PANK3: variants seen among roughly 807,000 people sequenced by gnomAD.
The protein encoded by PANK3 is pantothenate kinase 3, also known as hPanK3.
A neutral mutation model predicts 39.4 loss-of-function variants in PANK3; 20 were observed. The ratio of observed to expected loss-of-function variants is 0.51; its 90% CI spans 0.36 to 0.74. The LOEUF (loss-of-function observed/expected upper bound fraction) is 0.74. Among genes scored for constraint, PANK3 ranks in the 30% least tolerant of loss-of-function variants. The pLI, the probability that PANK3 is intolerant of heterozygous loss-of-function variation, is 0.00. For synonymous variants in PANK3, 140 were observed against 157.3 expected (o/e 0.89, Z 0.82); for missense variants, 265 against 437.0 (o/e 0.61, Z 3.51).
intron 1 of PANK3, among the ~76,000 whole-genome samples, chr5:168,577,377 C>A (rs934254311): frequency 4.6e-5 from 7 of 152,178 alleles, no homozygotes; most frequent in African/African-American, 1.7e-4. Flanking sequence ...TCACAACATA[C>A]CACAATGTTG....
At chr5:168,568,162 A>G (rs1319386028) in intron 2 of PANK3, among the ~76,000 whole-genome samples, 1 of 152,166 alleles carries the variant, frequency 6.6e-6, no homozygotes, top group South Asian at 2.1e-4. Context: ...GATTAACAGC[A>G]TAAAAACAGA....
rs1331051202 is a variant in PANK3 at position 168,557,373 on chromosome 5, T to C, written c.*198A>G. On this transcript the variant is annotated 3_prime_UTR_variant, in exon 7 of 7. Coordinates refer to ENST00000239231, the MANE Select transcript of PANK3 (RefSeq NM_024594.4). ...TGTATTGCATTTAAGGATTTAACAC[T>C]GGCTATATACAAAAGGGAAAGCATT... 1 of 567,992 alleles carries C rather than the reference T, an allele frequency of 1.8e-6. No homozygotes were observed. The highest frequency in any genetic ancestry group is 1.9e-5 in the African/African-American group (1 of 53,232). The allele number at this position is 567,992 out of a possible 1,614,324, so 35.2% of individuals were successfully genotyped here.
At chr5:168,557,734 A>G in intron 6 of PANK3, 113 bp from the exon 7 acceptor site, 1 of 850,882 alleles carries the variant, frequency 1.2e-6, no homozygotes, top group Non-Finnish European at 1.8e-6. Context: ...AATATTTGGA[A>G]ACCTACCAAT....
At chr5:168,574,849 G>A (rs970338346) in intron 1 of PANK3, among the ~76,000 whole-genome samples, 5 of 151,892 alleles carry the variant, frequency 3.3e-5, no homozygotes, top group African/African-American at 4.8e-5. Context: ...CGACAAAAGC[G>A]AGACTCCATC....
chr5:168,562,587 C>T (rs1759464249), intron 4 of PANK3, among the ~76,000 whole-genome samples: 2 of 152,152 alleles, frequency 1.3e-5, no homozygotes, highest in Non-Finnish European at 2.9e-5. Context: ...GGAGACAAGA[C>T]TGATAAACAA....
At chr5:168,564,526 T>C (rs1334224082) in intron 3 of PANK3, among the ~76,000 whole-genome samples, 1 of 152,168 alleles carries the variant, frequency 6.6e-6, no homozygotes, top group Non-Finnish European at 1.5e-5. Flanking sequence ...CTTGAACTCC[T>C]GGGCTCAAGC....
At chr5:168,564,154 G>C (rs1042237771) in intron 3 of PANK3, 89 bp from the exon 4 acceptor site, 3 of 1,119,914 alleles carry the variant, frequency 2.7e-6, no homozygotes, top group Non-Finnish European at 3.6e-6. Flanking sequence ...TGTATTCAAT[G>C]AACACACAGA....
At position 168,579,353 on chromosome 5, in the gene PANK3, G is replaced by T; in HGVS notation, c.-70C>A. 1 of 1,335,094 alleles carries T rather than the reference G, an allele frequency of 7.5e-7. No homozygotes were observed. Among genetic ancestry groups the T allele is most frequent in the Non-Finnish European group, 9.8e-7 (1 of 1,021,552 alleles). The allele number at this position is 1,335,094 out of a possible 1,614,324, so 82.7% of individuals were successfully genotyped here. A position where few individuals can be genotyped will look rare whatever the true frequency, so the allele number is the denominator to read the frequency against. ...TGAGAGCAGAGGCGGCGACTCCGGA[G>T]GTGGCTGGGCCGCGCGGCGAGGCCC... On this transcript the variant is annotated 5_prime_UTR_variant, in exon 1 of 7. Transcript: ENST00000239231.
chr5:168,565,964 T>C (rs1759526709), intron 3 of PANK3, 49 bp downstream of exon 3: 2 of 1,541,432 alleles, frequency 1.3e-6, no homozygotes, highest in East Asian at 4.6e-5. Flanking sequence ...TCATAACTTC[T>C]GTGTATAAAA....
At chr5:168,564,816 T>C (rs1759500035) in intron 3 of PANK3, among the ~76,000 whole-genome samples, 2 of 152,218 alleles carry the variant, frequency 1.3e-5, no homozygotes, top group Admixed American at 1.3e-4. Context: ...ATCAATTCAA[T>C]ATGATACACT....
At chr5:168,566,376 A>C in intron 2 of PANK3, 110 bp from the exon 3 acceptor site, 3 of 1,195,242 alleles carry the variant, frequency 2.5e-6, no homozygotes, top group Non-Finnish European at 3.4e-6. Flanking sequence ...TGACCCCCAC[A>C]TTTTCATTTT....
chr5:168,559,656 C>T (rs988406378), intron 5 of PANK3, among the ~76,000 whole-genome samples: 1 of 151,902 alleles, frequency 6.6e-6, no homozygotes, highest in South Asian at 2.1e-4. Context: ...CAATAAATAG[C>T]CCCCTTACAA....
intron 2 of PANK3, 45 bp downstream of exon 2, chr5:168,568,601 T>C: frequency 7.3e-7 from 1 of 1,376,598 alleles, no homozygotes; most frequent in Non-Finnish European, 1.0e-6. Flanking sequence ...ACTCTCATAT[T>C]TAAAAACAGG....
Position 168,556,080 on chromosome 5 carries a change from G to A in PANK3, c.*1491C>T, listed in dbSNP as rs1165506905. The A allele has an allele frequency of 2.0e-5, 3 of 152,336 alleles. No homozygotes were observed. Among genetic ancestry groups the A allele is most frequent in the East Asian group, 3.9e-4 (2 of 5,182 alleles). The allele number at this position is 152,336 out of a possible 1,614,324, so 9.4% of individuals were successfully genotyped here. On this transcript the variant is annotated 3_prime_UTR_variant, in exon 7 of 7. Transcript: ENST00000239231. ...CAGACTCATCTACCTTTCCAAGTTA[G>A]ACAGTTGGGGAAAGAACTTCCTAAA...
At chr5:168,574,635 G>A (rs1759702753) in intron 1 of PANK3, among the ~76,000 whole-genome samples, 1 of 152,152 alleles carries the variant, frequency 6.6e-6, no homozygotes, top group Non-Finnish European at 1.5e-5. Flanking sequence ...GCCGAGGTGG[G>A]TGGATCACCT....
At chr5:168,579,165 C>T in intron 1 of PANK3, 91 bp downstream of exon 1, 2 of 1,212,368 alleles carry the variant, frequency 1.6e-6, no homozygotes, top group Non-Finnish European at 2.2e-6. Context: ...CGAGGAGCGA[C>T]GGGCTTGGAA....
Position 168,563,928 on chromosome 5 carries a change from T to C in PANK3, c.773A>G (p.Tyr258Cys). 1.9e-6 allele frequency: 3 copies of C among 1,612,224 alleles called. No homozygotes were observed. Among genetic ancestry groups the C allele is most frequent in the Non-Finnish European group, 2.5e-6 (3 of 1,179,178 alleles). Residue 258 changes from tyrosine (Y) to cysteine (C), a missense_variant, in exon 4 of 7, where the codon TAT becomes TGT. This residue lies in a region of PANK3 where 110 missense variants were observed against 161.2 expected (regional missense o/e 0.68). Coordinates refer to ENST00000239231, the MANE Select transcript of PANK3 (RefSeq NM_024594.4). ...CCAACCTGGCAAACCAAATCTTTCA[T>C]AATCTCCTCCATAAATATCACGGAC... ...KLVRDIYGGD[Y>C]ERFGLPGWAV... is the part of the protein sequence containing the mutation.
chr5:168,567,219 A>G (rs1449700953), intron 2 of PANK3, among the ~76,000 whole-genome samples: 1 of 152,220 alleles, frequency 6.6e-6, no homozygotes, highest in Non-Finnish European at 1.5e-5. Flanking sequence ...AGAACATACC[A>G]TATCAATCTG....
chr5:168,576,788 GC>G (rs1561844118), intron 1 of PANK3, among the ~76,000 whole-genome samples: 2 of 63,190 alleles, frequency 3.2e-5, no homozygotes, highest in Non-Finnish European at 6.1e-5. Context: ...TTTTAATTAT[GC>G]CAAAAAAAAC....
Sources: allele counts gnomAD v4.1 joint callset (sites outside exome capture counted in the v4.1 genomes callset), GRCh38; gene constraint gnomAD v4.1.1; regional missense constraint gnomAD v4.1.1; transcripts MANE v1.5; gene names NCBI Gene and HGNC (gene_info 2026-07-23, HGNC 2026-07-21).